The following MDGA2 variants were observed in gnomAD, a reference collection of about 807,000 sequenced individuals.
MDGA2 encodes MAM domain-containing glycosylphosphatidylinositol anchor protein 2.
A neutral mutation model predicts 117.8 loss-of-function variants in MDGA2; 40 were observed. The ratio of observed to expected loss-of-function variants is 0.34; its 90% CI spans 0.26 to 0.44. The LOEUF (loss-of-function observed/expected upper bound fraction) is 0.44. Ranked by LOEUF, MDGA2 falls within the 20% of genes least tolerant of loss-of-function variation. The probability of loss-of-function intolerance (pLI) is 1.00; values close to 1 mark genes in which losing one functional copy is unlikely to be tolerated. For synonymous variants in MDGA2, 452 were observed against 439.0 expected (o/e 1.03, Z -0.37); for missense variants, 1,123 against 1,250.6 (o/e 0.90, Z 1.54).
rs1396391142 is a variant in MDGA2, at chr14:47,105,628, G to T, written c.926-8505C>A. Reference sequence around the variant, plus strand: ...TTGAATTTTTCCATCCTGCAAAATCGAAATAATTCTTGTCGTAAAATAGGC... The same window carrying T: ...TTGAATTTTTCCATCCTGCAAAATCTAAATAATTCTTGTCGTAAAATAGGC... On this transcript the variant is annotated intron_variant, in intron 5 of 16. Coordinates refer to ENST00000399232, the MANE Select transcript of MDGA2 (RefSeq NM_001113498.3). Among the ~76,000 whole-genome samples the T allele has an allele frequency of 9.2e-5, 14 of 151,910 alleles. 1 individual carries two copies. The highest frequency in any genetic ancestry group is 3.4e-4 in the African/African-American group (14 of 41,370).
At chr14:47,084,427 A>G (rs942337795) in intron 6 of MDGA2, among the ~76,000 whole-genome samples, 8 of 152,052 alleles carry the variant, frequency 5.3e-5, no homozygotes, top group Non-Finnish European at 8.8e-5. Flanking sequence ...AAATGCCTAC[A>G]GTAAAAAAGA....
At chr14:47,624,829 G>A (rs1176874815) in intron 1 of MDGA2, among the ~76,000 whole-genome samples, 1 of 152,102 alleles carries the variant, frequency 6.6e-6, no homozygotes, top group African/African-American at 2.4e-5. Context: ...TAGAAATAAA[G>A]AGACTGTATG....
intron 1 of MDGA2, among the ~76,000 whole-genome samples, chr14:47,525,614 G>A (rs528125303): frequency 4.6e-5 from 7 of 152,162 alleles, no homozygotes; most frequent in Non-Finnish European, 1.0e-4. Context: ...GAACCCGGAA[G>A]GCAGAGGTTG....
chr14:47,629,475 C>T (rs1897214305), intron 1 of MDGA2, among the ~76,000 whole-genome samples: 1 of 152,158 alleles, frequency 6.6e-6, no homozygotes, highest in African/African-American at 2.4e-5. Flanking sequence ...CCTATTTGTG[C>T]CATACCACAG....
chr14:47,184,355 G>A (rs1383897327), intron 3 of MDGA2, among the ~76,000 whole-genome samples: 4 of 151,838 alleles, frequency 2.6e-5, no homozygotes, highest in Non-Finnish European at 4.4e-5. Flanking sequence ...CTGCAAATTA[G>A]AACTCTATTG....
At chr14:46,965,561 A>G (rs1264302830) in intron 8 of MDGA2, among the ~76,000 whole-genome samples, 1 of 152,166 alleles carries the variant, frequency 6.6e-6, no homozygotes, top group East Asian at 1.9e-4. Flanking sequence ...AAAAAAGCTA[A>G]ATAATATTAA....
intron 10 of MDGA2, among the ~76,000 whole-genome samples, chr14:46,900,496 G>A (rs913737126): frequency 1.3e-5 from 2 of 152,012 alleles, no homozygotes; most frequent in African/African-American, 4.8e-5. Context: ...CAAACTGTAG[G>A]ACACCCATAC....
chr14:46,928,879 A>G (rs898109027), intron 9 of MDGA2, among the ~76,000 whole-genome samples: 5 of 152,172 alleles, frequency 3.3e-5, no homozygotes, highest in Admixed American at 2.6e-4. Context: ...TTTCTATAAA[A>G]TCATTTTTAT....
rs549285782 is a variant in MDGA2 at position 47,397,158 on chromosome 14, A to G, written c.281-95608T>C. Among the ~76,000 whole-genome samples the G allele has an allele frequency of 5.9e-5, 9 of 152,354 alleles. No individual in the cohort carries two copies. The South Asian group carries it at 1.9e-3, about 32-fold the overall frequency. ...ATGGAATACTATGCAGCCAAAAAAA[A>G]GGATGAGTTTATGTCCTTTGCAGGA... On this transcript the variant is annotated intron_variant, in intron 1 of 16. Coordinates refer to ENST00000399232, the MANE Select transcript of MDGA2 (RefSeq NM_001113498.3).
chr14:47,059,708 T>G (rs539649347), intron 7 of MDGA2, among the ~76,000 whole-genome samples: 3 of 152,078 alleles, frequency 2.0e-5, no homozygotes, highest in Non-Finnish European at 4.4e-5. Context: ...AAAGCATTGA[T>G]TCTTTGGATC....
At chr14:47,339,049 T>C (rs1240134966) in intron 1 of MDGA2, among the ~76,000 whole-genome samples, 1 of 152,122 alleles carries the variant, frequency 6.6e-6, no homozygotes, top group African/African-American at 2.4e-5. Flanking sequence ...GTCTATTTTA[T>C]ACTGATTGAA....
chr14:47,329,808 A>G (rs1211926281), intron 1 of MDGA2, among the ~76,000 whole-genome samples: 1 of 152,018 alleles, frequency 6.6e-6, no homozygotes, highest in East Asian at 1.9e-4. Flanking sequence ...ACTCTAGGTA[A>G]TCTAGCAATC....
chr14:47,603,370 A>G (rs1261293931), intron 1 of MDGA2, among the ~76,000 whole-genome samples: 1 of 152,164 alleles, frequency 6.6e-6, no homozygotes, highest in Non-Finnish European at 1.5e-5. Flanking sequence ...TCAGTCCAAA[A>G]CATCAGAGTA....
At position 47,458,743 on chromosome 14, in the gene MDGA2, C is replaced by A. The variant is rs79419982; in HGVS notation, c.281-157193G>T. ...TGGTAATTATTTCACAACATTAACA[C>A]ATATCAAATCATCAAGGTGCACCCT... On this transcript the variant is annotated intron_variant, in intron 1 of 16. Coordinates refer to ENST00000399232, the MANE Select transcript of MDGA2 (RefSeq NM_001113498.3). 5.7e-4 allele frequency among the ~76,000 whole-genome samples: 86 copies of A among 152,056 alleles called. 1 individual carries two copies. In the East Asian group the frequency reaches 0.015, roughly 27 times the overall value.
chr14:47,519,255 A>AT (rs1894819416), intron 1 of MDGA2, among the ~76,000 whole-genome samples: 1 of 152,088 alleles, frequency 6.6e-6, no homozygotes, highest in Non-Finnish European at 1.5e-5. Context: ...CAATTAAAAT[A>AT]TTTTTATTTT....
chr14:46,896,300 G>C (rs1355742553), intron 10 of MDGA2, among the ~76,000 whole-genome samples: 1 of 152,034 alleles, frequency 6.6e-6, no homozygotes, highest in African/African-American at 2.4e-5. Context: ...TATAGACATA[G>C]AAGAACAAAA....
At chr14:47,324,262 T>C (rs1890075785) in intron 1 of MDGA2, among the ~76,000 whole-genome samples, 1 of 151,894 alleles carries the variant, frequency 6.6e-6, no homozygotes, top group Non-Finnish European at 1.5e-5. Flanking sequence ...AAAAAAAAGA[T>C]CTCTGAGTGA....
intron 10 of MDGA2, among the ~76,000 whole-genome samples, chr14:46,903,327 C>G (rs554818567): frequency 5.3e-5 from 8 of 152,134 alleles, no homozygotes; most frequent in Non-Finnish European, 1.0e-4. Flanking sequence ...GGGGTTGTTT[C>G]ATGTCAAGAA....
At chr14:46,903,954 G>T (rs1381022861) in intron 10 of MDGA2, among the ~76,000 whole-genome samples, 1 of 152,078 alleles carries the variant, frequency 6.6e-6, no homozygotes, top group African/African-American at 2.4e-5. Context: ...TTATAAAATT[G>T]TCATTTATAA....
Sources: allele counts gnomAD v4.1 joint callset (sites outside exome capture counted in the v4.1 genomes callset), GRCh38; gene constraint gnomAD v4.1.1; transcripts MANE v1.5; gene names NCBI Gene and HGNC (gene_info 2026-07-23, HGNC 2026-07-21).